Variants in PLCE1 observed in about 807,000 individuals in gnomAD.
The protein encoded by PLCE1 is phospholipase C epsilon 1, also known as 1-phosphatidylinositol 4,5-bisphosphate phosphodiesterase epsilon-1.
Under a neutral mutation model 242.8 loss-of-function variants are expected in PLCE1, and 119 were observed. The observed-to-expected ratio is 0.49, with a 90% CI of 0.42 to 0.57. The LOEUF (loss-of-function observed/expected upper bound fraction) is 0.57, where lower values mean the gene tolerates loss of function less well. PLCE1 is among the 20% of genes least tolerant of loss of function. PLCE1 has a pLI of 0.00. For missense variants in PLCE1, 2,441 were observed against 2,788.8 expected (o/e 0.88, Z 2.81); for synonymous variants, 945 against 1,017.4 (o/e 0.93, Z 1.35).
In PLCE1 at chr10:94,327,392, C is replaced by T. The variant is rs548985790; in HGVS notation, c.*25-576C>T. Among the ~76,000 whole-genome samples the T allele has an allele frequency of 5.8e-4, 87 of 150,400 alleles. 1 individual carries two copies. Among genetic ancestry groups the T allele is most frequent in the Non-Finnish European group, 9.9e-4 (67 of 67,446 alleles). ...TGTGGATCACTTGAGGTCAGGAGTT[C>T]GAGACCAGCCTGGCCAACATGGTGA... is the stretch of plus-strand genomic sequence containing the variant. On this transcript the variant is annotated intron_variant, in intron 32 of 32. Coordinates refer to ENST00000371380, the MANE Select transcript of PLCE1 (RefSeq NM_016341.4).
chr10:94,324,905 A>C lies in PLCE1; in HGVS notation c.6734A>C (p.Asp2245Ala). 1 of 1,614,184 alleles carries C rather than the reference A, an allele frequency of 6.2e-7. No homozygotes were observed. Among genetic ancestry groups the C allele is most frequent in the African/African-American group, 1.3e-5 (1 of 75,050 alleles). ...TTGTTCCCACAGGCATCTCGAGAAGATAAAAAGAAAGGCATTTCTTTCGCA... is the reference window on the plus strand; with the variant it reads ...TTGTTCCCACAGGCATCTCGAGAAGCTAAAAAGAAAGGCATTTCTTTCGCA... Reference protein sequence around the residue: ...LKEQVQASREDKKKGISFASE... With the variant: ...LKEQVQASREAKKKGISFASE... Residue 2245 changes from aspartate (D) to alanine (A), a missense_variant, in exon 32 of 33, where the codon GAT becomes GCT. By Grantham distance (126) the Asp-to-Ala change is moderately radical. Coordinates refer to ENST00000371380, the MANE Select transcript of PLCE1 (RefSeq NM_016341.4).
chr10:94,245,576 T>G (rs191050545), intron 7 of PLCE1, among the ~76,000 whole-genome samples: 1 of 152,142 alleles, frequency 6.6e-6, no homozygotes, highest in Non-Finnish European at 1.5e-5. Context: ...AAGCTCCGCC[T>G]CCCGGGTTCA....
Position 94,265,673 on chromosome 10 carries a change from T to C in PLCE1, c.4080T>C (p.Cys1360=). ...IQKFEPSISM[C]HQGLMSFEGF... ...AGTTCGAGCCTAGCATCAGTATGTG[T>C]CATCAGGGACTAATGTCATTTGAAG... The change falls in exon 15 of 33, where the codon TGT becomes TGC. Residue 1360 remains cysteine, a synonymous_variant. Coordinates refer to ENST00000371380, the MANE Select transcript of PLCE1 (RefSeq NM_016341.4). 1 of 1,614,006 alleles carries C rather than the reference T, an allele frequency of 6.2e-7. No homozygotes were observed. The highest frequency in any genetic ancestry group is 8.5e-7 in the Non-Finnish European group (1 of 1,179,896).
chr10:94,027,671 AT>A (rs1229346958), intron 1 of PLCE1, among the ~76,000 whole-genome samples: 2 of 152,072 alleles, frequency 1.3e-5, no homozygotes, highest in African/African-American at 4.8e-5. Context: ...AATACAAAAA[AT>A]TAACTGGGCG....
intron 2 of PLCE1, among the ~76,000 whole-genome samples, chr10:94,067,415 C>A (rs1314079748): frequency 1.3e-5 from 2 of 152,166 alleles, no homozygotes; most frequent in Admixed American, 1.3e-4. Context: ...AACCCAGGAG[C>A]CAGAAAGACC....
intron 3 of PLCE1, among the ~76,000 whole-genome samples, chr10:94,141,549 AAGGGAAGGTGAAGGGAAGG>A (rs1564727143): frequency 3.5e-5 from 5 of 144,768 alleles, no homozygotes; most frequent in African/African-American, 1.3e-4. Context: ...AGGGAAGGCT[AAGGGAAGGTGAAGGGAAGG>A]CTAAGGGAAG....
chr10:94,306,537 C>T lies in PLCE1; in HGVS notation c.5733C>T (p.Ile1911=). 1 of 1,614,182 alleles carries T rather than the reference C, an allele frequency of 6.2e-7. No homozygotes were observed. The highest frequency in any genetic ancestry group is 8.5e-7 in the Non-Finnish European group (1 of 1,180,022). Residue 1911 remains isoleucine, a synonymous_variant, in exon 26 of 33, where the codon ATC becomes ATT. Coordinates refer to ENST00000371380, the MANE Select transcript of PLCE1 (RefSeq NM_016341.4). This position sits in a 1 kb window ranked among gnomAD's most constrained non-coding sequence, Gnocchi z 5.7. The part of the protein sequence containing the change: ...LDSCHFRTKP[I]HRNTLNPMWN... ...GCTGCCATTTCCGCACAAAGCCCAT[C>T]CATCGAAACACCCTGAACCCCATGT... is the stretch of plus-strand genomic sequence containing the variant.
chr10:94,319,322 T>C (rs2053694381), intron 29 of PLCE1, among the ~76,000 whole-genome samples: 1 of 152,146 alleles, frequency 6.6e-6, no homozygotes, highest in Non-Finnish European at 1.5e-5. Context: ...TAATTGCTGA[T>C]TGAATAAATG....
At chr10:94,073,135 G>A (rs2044407741) in intron 2 of PLCE1, among the ~76,000 whole-genome samples, 1 of 152,012 alleles carries the variant, frequency 6.6e-6, no homozygotes, top group African/African-American at 2.4e-5. Flanking sequence ...CATTTTCTAG[G>A]AGTGTAACTG....
At chr10:94,121,396 A>G (rs2046293859) in intron 2 of PLCE1, among the ~76,000 whole-genome samples, 1 of 152,208 alleles carries the variant, frequency 6.6e-6, no homozygotes, top group Admixed American at 6.5e-5. Flanking sequence ...CATCACCTTC[A>G]GAATGCTACC....
intron 4 of PLCE1, among the ~76,000 whole-genome samples, chr10:94,208,757 A>G (rs1174820142): frequency 6.6e-6 from 1 of 152,118 alleles, no homozygotes; most frequent in African/African-American, 2.4e-5. Context: ...TTCTGAAGAA[A>G]CTCTCCCAGC....
At chr10:94,224,739 C>T (rs191761783) in intron 4 of PLCE1, among the ~76,000 whole-genome samples, 1 of 152,176 alleles carries the variant, frequency 6.6e-6, no homozygotes, top group Non-Finnish European at 1.5e-5. Flanking sequence ...TAGATGGATG[C>T]ACCAATGACT....
intron 29 of PLCE1, 103 bp downstream of exon 29, chr10:94,316,859 C>T: frequency 1.2e-6 from 1 of 820,000 alleles, no homozygotes; most frequent in Non-Finnish European, 2.1e-6. Context: ...GTAATTGCAA[C>T]TTGGTTTATA....
At position 94,258,908 on chromosome 10, in the gene PLCE1, G is replaced by A. The variant is rs1300537710; in HGVS notation, c.3663G>A (p.Leu1221=). 6.2e-7 allele frequency: 1 copy of A among 1,614,090 alleles called. No individual in the cohort carries two copies. Among genetic ancestry groups the A allele is most frequent in the Admixed American group, 1.7e-5 (1 of 60,004 alleles). Residue 1221 remains leucine (L), a synonymous_variant, in exon 12 of 33, where the codon CTG becomes CTA. Transcript: ENST00000371380. ...SNMSFVEFVE[L]FKSFSVRSRK... ...TGAGTTTTGTTGAATTTGTTGAGCT[G>A]TTCAAATCATTCAGGTACAGTCTTA... is the stretch of plus-strand genomic sequence containing the variant.
chr10:94,030,949 T>G lies in PLCE1; in HGVS notation c.-98T>G. Reference sequence around the variant, plus strand: ...TGTTCTTTGGGAGGACTTGTGTATCTGAGATTGTTGTAATAATCAGTCATT... The same window carrying G: ...TGTTCTTTGGGAGGACTTGTGTATCGGAGATTGTTGTAATAATCAGTCATT... On this transcript the variant is annotated 5_prime_UTR_variant, in exon 2 of 33. The change abolishes the stop of an existing upstream ORF in the 5' untranslated region. Coordinates refer to ENST00000371380, the MANE Select transcript of PLCE1 (RefSeq NM_016341.4). The G allele has an allele frequency of 7.2e-5, 86 of 1,191,344 alleles. No homozygotes were observed. Among genetic ancestry groups the G allele is most frequent in the Non-Finnish European group, 1.0e-4 (80 of 798,340 alleles). The allele number at this position is 1,191,344 out of a possible 1,614,324, so 73.8% of individuals were successfully genotyped here.
chr10:94,320,561 G>A (rs2053761550), intron 29 of PLCE1, among the ~76,000 whole-genome samples: 1 of 152,134 alleles, frequency 6.6e-6, no homozygotes, highest in Non-Finnish European at 1.5e-5. Flanking sequence ...GGATTCTTCT[G>A]GTTAGTTAGT....
chr10:94,156,697 G>C (rs11819021), intron 3 of PLCE1, among the ~76,000 whole-genome samples: 16,793 of 152,022 alleles, frequency 0.11, 1,978 homozygotes, highest in African/African-American at 0.3. Context: ...CTCCCTAGAG[G>C]ATGGTGGGTG....
intron 3 of PLCE1, among the ~76,000 whole-genome samples, chr10:94,161,587 C>A (rs2047615343): frequency 6.6e-6 from 1 of 152,222 alleles, no homozygotes; most frequent in African/African-American, 2.4e-5. Context: ...GATACACAAT[C>A]ATGTCATCTG....
chr10:94,280,672 T>C (rs1231940672), intron 20 of PLCE1: 1 of 152,318 alleles, frequency 6.6e-6, no homozygotes, highest in Non-Finnish European at 1.5e-5. Context: ...CCAAGGTTCC[T>C]ATTTCTATAA....
Sources: gnomAD v4.1 joint callset for allele counts (sites outside exome capture counted in the v4.1 genomes callset) on GRCh38, gnomAD v4.1.1 for gene constraint, Gnocchi (gnomAD v3.1) non-coding constraint, MANE v1.5 for transcripts, NCBI Gene and HGNC (gene_info 2026-07-23, HGNC 2026-07-21) for gene names.